MAGED1: variants seen among roughly 807,000 people sequenced by gnomAD.
MAGED1 encodes the protein melanoma-associated antigen D1.
A neutral mutation model predicts 54.1 loss-of-function variants in MAGED1; 3 were observed. That is an observed-to-expected ratio of 0.06 (90% confidence interval 0.03 to 0.14). MAGED1 has a LOEUF of 0.14. MAGED1 is among the 10% of genes least tolerant of loss of function. The pLI is 1.00. For synonymous variants in MAGED1, 217 were observed against 227.3 expected, an observed-to-expected ratio of 0.95 and a Z score of 0.41; for missense variants, 485 against 623.4, an observed-to-expected ratio of 0.78 and a Z score of 2.36.
chrX:51,833,193 T>C (rs782679598), intron 1 of MAGED1, among the ~76,000 whole-genome samples: 2 of 110,945 alleles, frequency 1.8e-5, no homozygotes, highest in South Asian at 7.6e-4. Context: ...TTTATTAAAC[T>C]AAAGCATTAT....
At chrX:51,836,742 T>G (rs1399629951) in intron 1 of MAGED1, among the ~76,000 whole-genome samples, 1 of 109,897 alleles carries the variant, frequency 9.1e-6, no homozygotes, top group Non-Finnish European at 1.9e-5. Context: ...CGGCTAGTTT[T>G]TTTTGTATTT....
At chrX:51,897,416 C>G (rs1557364447) in intron 5 of MAGED1, 131 bp from the exon 6 acceptor site, 12 of 744,197 alleles carry the variant, frequency 1.6e-5, no homozygotes, top group Non-Finnish European at 6.1e-6. Flanking sequence ...CCCCTTCTAT[C>G]CCCTCCTTTC....
chrX:51,882,566 A>T (rs1781809315), intron 1 of MAGED1, among the ~76,000 whole-genome samples: 1 of 105,735 alleles, frequency 9.5e-6, no homozygotes, highest in South Asian at 4.7e-4. Flanking sequence ...CCTAGACCAG[A>T]TGCTAGAGAA....
chrX:51,816,649 C>T (rs974070740), intron 1 of MAGED1, among the ~76,000 whole-genome samples: 11 of 110,403 alleles, frequency 1.0e-4, no homozygotes, highest in African/African-American at 3.0e-4. Flanking sequence ...CTGTGATATT[C>T]GCACAACAGT....
Position 51,901,946 on chromosome X carries a change from C to T in MAGED1, c.*8+8C>T, listed in dbSNP as rs199832847. ...GGTTGAGTGAGATGTTGGGTAGGTACATCACTTTGGATTGGGCAGTTAGGG... is the reference window on the plus strand; with the variant it reads ...GGTTGAGTGAGATGTTGGGTAGGTATATCACTTTGGATTGGGCAGTTAGGG... On this transcript the variant is annotated splice_region_variant and intron_variant, in intron 12 of 12. Transcript: ENST00000326587. The T allele has an allele frequency of 5.9e-6, 7 of 1,188,916 alleles. No individual in the cohort carries two copies. The highest frequency in any genetic ancestry group is 3.1e-4 in the Middle Eastern group (1 of 3,228).
At chrX:51,809,046 T>G (rs1292388860) in intron 1 of MAGED1, among the ~76,000 whole-genome samples, 1 of 112,381 alleles carries the variant, frequency 8.9e-6, no homozygotes, top group African/African-American at 3.2e-5. Context: ...ACAAGGACCA[T>G]TTATTGCCAA....
chrX:51,808,821 T>TC (rs1925117194), intron 1 of MAGED1, among the ~76,000 whole-genome samples: 1 of 112,802 alleles, frequency 8.9e-6, no homozygotes, highest in African/African-American at 3.2e-5. Context: ...CCCATTTTTT[T>TC]CCACATCCCA....
intron 1 of MAGED1, among the ~76,000 whole-genome samples, chrX:51,803,467 C>T (rs1924921733): frequency 1.8e-5 from 2 of 108,958 alleles, no homozygotes; most frequent in African/African-American, 6.7e-5. Context: ...CTCTCACCTC[C>T]GCCTTCTGCC....
chrX:51,853,264 A>G (rs1926959463), intron 1 of MAGED1, among the ~76,000 whole-genome samples: 1 of 111,963 alleles, frequency 8.9e-6, no homozygotes, highest in Non-Finnish European at 1.9e-5. Context: ...CTTTATGCAT[A>G]GTAAACATAG....
At chrX:51,898,350 C>T (rs1335847550) in intron 9 of MAGED1, 23 bp downstream of exon 9, 12 of 1,206,761 alleles carry the variant, frequency 9.9e-6, no homozygotes, top group African/African-American at 1.8e-5. Context: ...TCTCTCATCT[C>T]TTGCCTGTTT....
intron 1 of MAGED1, among the ~76,000 whole-genome samples, chrX:51,803,728 T>C (rs1321576771): frequency 2.0e-5 from 2 of 102,276 alleles, no homozygotes; most frequent in African/African-American, 3.7e-5. Context: ...GATGTTCTTT[T>C]TTTTTTTTTT....
chrX:51,902,019 T>C, intron 12 of MAGED1, 81 bp downstream of exon 12: 1 of 992,395 alleles, frequency 1.0e-6, no homozygotes, highest in Non-Finnish European at 1.3e-6. Context: ...GTGCATGAGC[T>C]AGAAGTATTA....
chrX:51,850,384 C>T (rs782431117), intron 1 of MAGED1, among the ~76,000 whole-genome samples: 1 of 112,240 alleles, frequency 8.9e-6, no homozygotes, highest in Non-Finnish European at 1.9e-5. Flanking sequence ...AGTTAGTTGA[C>T]CACAGTCCAG....
intron 10 of MAGED1, chrX:51,899,622 A>T: frequency 8.9e-6 from 1 of 112,941 alleles, no homozygotes; most frequent in Non-Finnish European, 1.9e-5. Context: ...TTGTATTTTT[A>T]GTAGAGATGG....
intron 1 of MAGED1, among the ~76,000 whole-genome samples, chrX:51,805,948 G>A (rs889390437): frequency 5.1e-5 from 5 of 98,197 alleles, no homozygotes; most frequent in Non-Finnish European, 1.0e-4. Flanking sequence ...ACAGCTCAAA[G>A]CATTTTCTTT....
intron 1 of MAGED1, among the ~76,000 whole-genome samples, chrX:51,888,401 G>A (rs1006770699): frequency 3.6e-5 from 4 of 111,658 alleles, no homozygotes; most frequent in Non-Finnish European, 7.5e-5. Flanking sequence ...TAGCCATTAG[G>A]GAAATGCAAA....
At chrX:51,863,895 C>T (rs782762287) in intron 1 of MAGED1, among the ~76,000 whole-genome samples, 1 of 110,257 alleles carries the variant, frequency 9.1e-6, no homozygotes, top group East Asian at 2.9e-4. Flanking sequence ...ATATTAACCC[C>T]TTATCAGATA....
chrX:51,895,267 G>T lies in MAGED1; in HGVS notation c.260G>T (p.Gly87Val). The T allele has an allele frequency of 8.3e-7, 1 of 1,211,166 alleles. No individual in the cohort carries two copies. The highest frequency in any genetic ancestry group is 1.1e-6 in the Non-Finnish European group (1 of 895,218). Reference protein sequence around the residue: ...AFKVQNATTKGPNGVYDFSQA... With the variant: ...AFKVQNATTKVPNGVYDFSQA... ...AAAGTCCAGAATGCCACCACAAAAG[G>T]CCCAAATGGTGTCTATGATTTCTCT... The change falls in exon 3 of 13, where the codon GGC becomes GTC. Residue 87 changes from glycine to valine, a missense_variant. By Grantham distance (109) the Gly-to-Val change is moderately radical. Coordinates refer to ENST00000326587, the MANE Select transcript of MAGED1 (RefSeq NM_006986.4).
At chrX:51,818,221 C>T (rs782057689) in intron 1 of MAGED1, among the ~76,000 whole-genome samples, 16 of 111,610 alleles carry the variant, frequency 1.4e-4, no homozygotes, top group South Asian at 3.8e-4. Context: ...ATTAGAGTGA[C>T]AATTGCTAGC....
Sources: allele counts gnomAD v4.1 joint callset (sites outside exome capture counted in the v4.1 genomes callset), GRCh38; gene constraint gnomAD v4.1.1; transcripts MANE v1.5; gene names NCBI Gene and HGNC (gene_info 2026-07-23, HGNC 2026-07-21).